The following ACSM3 variants were observed in gnomAD, a reference collection of about 807,000 sequenced individuals.
The protein encoded by ACSM3 is acyl-coenzyme A synthetase ACSM3, mitochondrial.
A neutral mutation model predicts 74.1 loss-of-function variants in ACSM3; 61 were observed. The observed-to-expected ratio is 0.82, with a 90% CI of 0.67 to 1.02. The LOEUF (loss-of-function observed/expected upper bound fraction) is 1.02, where lower values mean the gene tolerates loss of function less well. Among genes scored for constraint, ACSM3 ranks in the 50% least tolerant of loss-of-function variants. The pLI, the probability that ACSM3 is intolerant of heterozygous loss-of-function variation, is 0.00. For synonymous variants in ACSM3, 213 were observed against 241.5 expected (o/e 0.88, Z 1.09); for missense variants, 660 against 697.0 (o/e 0.95, Z 0.60).
chr16:20,677,224 A>G (rs1027520308), intron 1 of ACSM3, among the ~76,000 whole-genome samples: 1 of 136,716 alleles, frequency 7.3e-6, no homozygotes, highest in Non-Finnish European at 1.6e-5. Context: ...TTTTAAAGAA[A>G]TTAAAAAAAA....
intron 1 of ACSM3, chr16:20,739,104 A>C: frequency 6.2e-7 from 1 of 1,605,770 alleles, no homozygotes; most frequent in Non-Finnish European, 8.5e-7. Context: ...CAGAAATGAC[A>C]CAACAGCTCA....
chr16:20,796,143 G>A (rs1019555757), intron 12 of ACSM3: 1 of 592,060 alleles, frequency 1.7e-6, no homozygotes, highest in East Asian at 3.3e-5. Flanking sequence ...CCATGCTGAG[G>A]GCTAGGCTGG....
At chr16:20,754,126 G>A (rs2080010536) in intron 2 of ACSM3, among the ~76,000 whole-genome samples, 1 of 152,174 alleles carries the variant, frequency 6.6e-6, no homozygotes, top group Non-Finnish European at 1.5e-5. Flanking sequence ...TTGGTTAACT[G>A]GTTAGGGGGA....
chr16:20,695,633 A>G (rs76372699), intron 1 of ACSM3, among the ~76,000 whole-genome samples: 18,204 of 151,840 alleles, frequency 0.12, 1,236 homozygotes, highest in East Asian at 0.21. Flanking sequence ...TCTATTATGT[A>G]TCTATCGTCT....
Position 20,790,544 on chromosome 16 carries a change from TA to T in ACSM3, c.1225-40del, listed in dbSNP as rs1391560758. 2 of 1,564,958 alleles carry T rather than the reference TA, an allele frequency of 1.3e-6. No individual in the cohort carries two copies. Among genetic ancestry groups the T allele is most frequent in the East Asian group, 4.5e-5 (2 of 44,376 alleles). ...AAAGTTAATATTTAAGCTGCGACATTAAACAAAAATTTCCTTAAATAAATTG... is the reference window on the plus strand; with the variant it reads ...AAAGTTAATATTTAAGCTGCGACATTAACAAAAATTTCCTTAAATAAATTG... On this transcript the variant is annotated intron_variant, in intron 9 of 13. Coordinates refer to ENST00000289416, the MANE Select transcript of ACSM3 (RefSeq NM_005622.4). The surrounding 1 kb of genome is among the most constrained non-coding windows in gnomAD (Gnocchi z 4.0).
chr16:20,782,209 C>G (rs2080366782), intron 7 of ACSM3, among the ~76,000 whole-genome samples: 1 of 152,100 alleles, frequency 6.6e-6, no homozygotes, highest in Admixed American at 6.6e-5. Context: ...GAAAAACAAC[C>G]CCCGTTTCTC....
At chr16:20,794,482 T>G (rs988164156) in intron 12 of ACSM3, among the ~76,000 whole-genome samples, 4 of 152,210 alleles carry the variant, frequency 2.6e-5, no homozygotes, top group Non-Finnish European at 4.4e-5. Context: ...GTATTTAATC[T>G]TATTTAATTT....
At position 20,796,655 on chromosome 16, in the gene ACSM3, C is replaced by A. The variant is rs1039622698; in HGVS notation, c.1674+166C>A. 3.5e-5 allele frequency: 52 copies of A among 1,481,348 alleles called. No homozygotes were observed. The Admixed American group carries it at 1.4e-3, about 40-fold the overall frequency. 91.8% of individuals were successfully genotyped at this position (1,481,348 alleles called of 1,614,324 possible). ...CAGAATCTTTGAGATTAAAATGAAA[C>A]CCTGAACCTATTTTGTTTGGTCCTT... is the stretch of plus-strand genomic sequence containing the variant. On this transcript the variant is annotated intron_variant, in intron 13 of 13. Coordinates refer to ENST00000289416, the MANE Select transcript of ACSM3 (RefSeq NM_005622.4).
intron 4 of ACSM3, among the ~76,000 whole-genome samples, chr16:20,777,891 T>C (rs1172902085): frequency 1.3e-5 from 2 of 152,362 alleles, no homozygotes; most frequent in Non-Finnish European, 2.9e-5. Flanking sequence ...TTATTTGCGA[T>C]GTATTCCCTA....
intron 1 of ACSM3, among the ~76,000 whole-genome samples, chr16:20,698,322 C>G (rs1321951657): frequency 6.6e-6 from 1 of 152,084 alleles, no homozygotes; most frequent in Non-Finnish European, 1.5e-5. Context: ...ACCTGCTCCC[C>G]CTTCCCAGCC....
chr16:20,781,481 G>A lies in ACSM3; in HGVS notation c.940-227G>A, dbSNP rs138697688. 1.3e-3 allele frequency among the ~76,000 whole-genome samples: 205 copies of A among 152,176 alleles called. 1 individual carries two copies. Among genetic ancestry groups the A allele is most frequent in the African/African-American group, 4.7e-3 (197 of 41,504 alleles). ...AATCTAGAGATGATTTAAAGTATACGGGAGGATATGCATAGGTTATATGCA... is the reference window on the plus strand; with the variant it reads ...AATCTAGAGATGATTTAAAGTATACAGGAGGATATGCATAGGTTATATGCA... On this transcript the variant is annotated intron_variant, in intron 6 of 13. Transcript: ENST00000289416.
At chr16:20,759,394 C>T (rs182762692), upstream of ACSM3, among the ~76,000 whole-genome samples, 119 of 152,084 alleles carry the variant, frequency 7.8e-4, no homozygotes, top group Non-Finnish European at 1.0e-3. Flanking sequence ...CCCGTCTCTA[C>T]TAAAAATACA....
chr16:20,710,788 CATA>C (rs1267660863), intron 1 of ACSM3, among the ~76,000 whole-genome samples: 1 of 151,336 alleles, frequency 6.6e-6, no homozygotes, highest in African/African-American at 2.4e-5. Flanking sequence ...TTAAGTGGTA[CATA>C]ATAATAATTT....
chr16:20,706,082 C>CTGTG (rs770812697), intron 1 of ACSM3, among the ~76,000 whole-genome samples: 5 of 84,916 alleles, frequency 5.9e-5, no homozygotes, highest in Non-Finnish European at 1.5e-4. Context: ...AATCGTGGAA[C>CTGTG]AGTGTGTGTG....
chr16:20,737,916 G>A, intron 1 of ACSM3: 1 of 1,612,788 alleles, frequency 6.2e-7, no homozygotes, highest in Non-Finnish European at 8.5e-7. Flanking sequence ...TCTTGGTTTT[G>A]TACATATCCT....
At chr16:20,727,456 A>G in intron 1 of ACSM3, 1 of 478,670 alleles carries the variant, frequency 2.1e-6, no homozygotes, top group East Asian at 6.1e-5. Flanking sequence ...AGCTATGGAC[A>G]GACGGAAGTG....
At chr16:20,717,306 A>G (rs1336834217) in intron 1 of ACSM3, among the ~76,000 whole-genome samples, 2 of 152,362 alleles carry the variant, frequency 1.3e-5, no homozygotes, top group South Asian at 2.1e-4. Context: ...CTTAAACCAA[A>G]GGAATGACTG....
At chr16:20,741,486 C>A in intron 1 of ACSM3, 1 of 187,734 alleles carries the variant, frequency 5.3e-6, no homozygotes, top group Non-Finnish European at 1.1e-5. Flanking sequence ...AGCCGGCCCG[C>A]CCGCCCACCC....
intron 1 of ACSM3, among the ~76,000 whole-genome samples, chr16:20,727,947 G>A (rs1166172229): frequency 6.6e-6 from 1 of 152,178 alleles, no homozygotes; most frequent in Non-Finnish European, 1.5e-5. Context: ...TCTGGGATGA[G>A]GCCCATAAAT....
Sources: allele counts gnomAD v4.1 joint callset (sites outside exome capture counted in the v4.1 genomes callset), GRCh38; gene constraint gnomAD v4.1.1; non-coding constraint Gnocchi (gnomAD v3.1); transcripts MANE v1.5; gene names NCBI Gene and HGNC (gene_info 2026-07-23, HGNC 2026-07-21).